The following PSD3 variants were observed in gnomAD, a reference collection of about 807,000 sequenced individuals.
PSD3 encodes the protein PH and SEC7 domain-containing protein 3.
Under a neutral mutation model 105.5 loss-of-function variants are expected in PSD3, and 49 were observed. The observed-to-expected ratio is 0.46, with a 90% CI of 0.37 to 0.59. PSD3 has a LOEUF of 0.59. PSD3 is among the 20% of genes least tolerant of loss of function. The pLI, the probability that PSD3 is intolerant of heterozygous loss-of-function variation, is 0.00. For missense variants in PSD3, 1,561 were observed against 1,263.8 expected, an observed-to-expected ratio of 1.24 and a Z score of -3.57; for synonymous variants, 557 against 457.8, an observed-to-expected ratio of 1.22 and a Z score of -2.77.
chr8:19,078,523 A>C (rs1829531714), intron 1 of PSD3, among the ~76,000 whole-genome samples: 1 of 151,982 alleles, frequency 6.6e-6, no homozygotes, highest in Non-Finnish European at 1.5e-5. Flanking sequence ...CTGGGCATTG[A>C]CTGGGTTGGC....
chr8:18,678,797 A>T (rs1415179167), intron 9 of PSD3, among the ~76,000 whole-genome samples: 2 of 144,572 alleles, frequency 1.4e-5, no homozygotes, highest in Non-Finnish European at 3.1e-5. Context: ...GGGCAACAAA[A>T]GCAAAACTCC....
At chr8:18,848,066 A>G (rs1370125357) in intron 4 of PSD3, among the ~76,000 whole-genome samples, 1 of 152,180 alleles carries the variant, frequency 6.6e-6, no homozygotes, top group Non-Finnish European at 1.5e-5. Flanking sequence ...AAGCAGGTGA[A>G]AAGAACAGCA....
intron 9 of PSD3, among the ~76,000 whole-genome samples, chr8:18,661,702 T>C (rs1315477138): frequency 2.6e-5 from 4 of 152,152 alleles, no homozygotes. Flanking sequence ...GACTTTTTTT[T>C]CTTAAGTGGC....
chr8:18,936,233 A>G, intron 1 of PSD3, 91 bp from the exon 2 acceptor site: 1 of 851,766 alleles, frequency 1.2e-6, no homozygotes, highest in Non-Finnish European at 1.9e-6. Flanking sequence ...GATTGGTAAA[A>G]TAATTATGAC....
chr8:18,577,767 T>A (rs970967251), intron 12 of PSD3, among the ~76,000 whole-genome samples: 6 of 152,116 alleles, frequency 3.9e-5, no homozygotes, highest in Non-Finnish European at 8.8e-5. Context: ...TCTTGTGTTA[T>A]GCATTTTCTG....
chr8:18,873,143 C>G (rs17127380), intron 2 of PSD3, among the ~76,000 whole-genome samples: 7,033 of 152,262 alleles, frequency 0.046, 193 homozygotes, highest in Middle Eastern at 0.085. Context: ...GCCCTATGAT[C>G]TAGCCAACAG....
intron 9 of PSD3, among the ~76,000 whole-genome samples, chr8:18,747,884 C>G (rs1187440630): frequency 1.3e-5 from 2 of 151,674 alleles, no homozygotes; most frequent in Admixed American, 1.3e-4. Flanking sequence ...TCATCAGGAC[C>G]AGCACTTCAG....
intron 1 of PSD3, among the ~76,000 whole-genome samples, chr8:19,076,510 T>C (rs13273990): frequency 0.31 from 47,379 of 151,926 alleles, 8,811 homozygotes; most frequent in South Asian, 0.48. Flanking sequence ...TAAGGGCAAA[T>C]AGTCTGAAAG....
intron 9 of PSD3, among the ~76,000 whole-genome samples, chr8:18,752,389 C>T (rs1427919260): frequency 7.0e-6 from 1 of 142,288 alleles, no homozygotes; most frequent in African/African-American, 2.6e-5. Context: ...CTTAAGAATA[C>T]TGGAAGGAAG....
chr8:19,007,560 TA>T (rs997016351), intron 1 of PSD3, among the ~76,000 whole-genome samples: 7 of 152,178 alleles, frequency 4.6e-5, no homozygotes, highest in Non-Finnish European at 8.8e-5. Context: ...ATCGATTCTA[TA>T]AAGTTCACAA....
At chr8:19,068,164 G>A (rs914927946) in intron 1 of PSD3, among the ~76,000 whole-genome samples, 6 of 152,090 alleles carry the variant, frequency 3.9e-5, no homozygotes, top group African/African-American at 1.4e-4. Flanking sequence ...CAGGACACAT[G>A]AGAAGAGGAT....
Position 18,936,111 on chromosome 8 carries a change from G to T in PSD3, c.53C>A (p.Ser18Tyr). 6.2e-7 allele frequency: 1 copy of T among 1,613,010 alleles called. No homozygotes were observed. Among genetic ancestry groups the T allele is most frequent in the Non-Finnish European group, 8.5e-7 (1 of 1,179,678 alleles). The change falls in exon 2 of 16, where the codon TCT becomes TAT. Residue 18 changes from serine to tyrosine, a missense_variant. Coordinates refer to ENST00000327040, the MANE Select transcript of PSD3 (RefSeq NM_015310.4). ...CTTGGCAACACTCTGGGAATGTGCA[G>T]ATGCATTGTTCACCCAAACAAATGT... ...AETFVWVNNA[S>Y]AHSQSVAKAK...
Position 18,547,012 on chromosome 8 carries a change from G to A in PSD3, c.2928+9197C>T, listed in dbSNP as rs2634452. 5.2e-3 allele frequency among the ~76,000 whole-genome samples: 785 copies of A among 152,218 alleles called. 13 individuals are homozygous for A. The highest frequency in any genetic ancestry group is 0.018 in the African/African-American group (732 of 41,516). ...AGGTATGCCTTTGGTGGGTCATCTG[G>A]GCTGTTTCTCTAGACAGGGGCAGGA... On this transcript the variant is annotated intron_variant, in intron 15 of 15. Coordinates refer to ENST00000327040, the MANE Select transcript of PSD3 (RefSeq NM_015310.4).
intron 4 of PSD3, among the ~76,000 whole-genome samples, chr8:18,846,804 A>T (rs568250359): frequency 6.6e-6 from 1 of 152,186 alleles, no homozygotes; most frequent in East Asian, 1.9e-4. Context: ...TGAAGAGGGA[A>T]ATTACAGATT....
intron 4 of PSD3, among the ~76,000 whole-genome samples, chr8:18,861,691 C>A (rs1469249415): frequency 6.6e-6 from 1 of 152,090 alleles, no homozygotes; most frequent in Non-Finnish European, 1.5e-5. Context: ...TTCTTTTTAC[C>A]AGGCTATTTC....
At chr8:18,900,903 T>C (rs562093794) in intron 2 of PSD3, among the ~76,000 whole-genome samples, 6 of 152,276 alleles carry the variant, frequency 3.9e-5, no homozygotes, top group African/African-American at 7.2e-5. Flanking sequence ...CTCAAGCTCA[T>C]TGCAATAGCA....
chr8:18,656,930 C>A (rs548178218), intron 9 of PSD3, among the ~76,000 whole-genome samples: 2 of 152,266 alleles, frequency 1.3e-5, no homozygotes, highest in African/African-American at 4.8e-5. Flanking sequence ...CACACAAATG[C>A]ATTTCTAAGG....
intron 4 of PSD3, among the ~76,000 whole-genome samples, chr8:18,861,914 T>C (rs760518689): frequency 2.0e-5 from 3 of 151,854 alleles, no homozygotes; most frequent in Non-Finnish European, 4.4e-5. Context: ...AGAGGATGGC[T>C]TCACCTCTTC....
chr8:18,862,407 C>A (rs1357298632), intron 4 of PSD3, among the ~76,000 whole-genome samples: 1 of 151,674 alleles, frequency 6.6e-6, no homozygotes, highest in Non-Finnish European at 1.5e-5. Context: ...ATCACCATTA[C>A]ACTACTTTGG....
Sources: allele counts gnomAD v4.1 joint callset (sites outside exome capture counted in the v4.1 genomes callset), GRCh38; gene constraint gnomAD v4.1.1; transcripts MANE v1.5; gene names NCBI Gene and HGNC (gene_info 2026-07-23, HGNC 2026-07-21).